C2orf49: variants seen among roughly 807,000 people sequenced by gnomAD.
C2orf49 encodes the protein tRNA-splicing ligase complex subunit ASW.
A neutral mutation model predicts 20.6 loss-of-function variants in C2orf49; 11 were observed. The ratio of observed to expected loss-of-function variants is 0.53; its 90% CI spans 0.34 to 0.88. The LOEUF is 0.88. Ranked by LOEUF, C2orf49 falls within the 40% of genes least tolerant of loss-of-function variation. C2orf49 has a pLI of 0.02. For synonymous variants in C2orf49, 134 were observed against 108.5 expected (o/e 1.24, Z -1.46); for missense variants, 289 against 274.2 (o/e 1.05, Z -0.38).
Position 105,349,035 on chromosome 2 carries a change from T to TAA in C2orf49, c.*3665_*3666insAA, listed in dbSNP as rs1411740486. Reference sequence around the variant, plus strand: ...GTCACTACATGTTGAGGGATGGAAATAGAAGTCTCTGAACTTCCCATGTAA... The same window carrying TAA: ...GTCACTACATGTTGAGGGATGGAAATAAAGAAGTCTCTGAACTTCCCATGTAA... On this transcript the variant is annotated 3_prime_UTR_variant, in exon 4 of 4. Transcript: ENST00000258457. 1 of 152,048 alleles carries TAA rather than the reference T, an allele frequency of 6.6e-6. No individual in the cohort carries two copies. The highest frequency in any genetic ancestry group is 6.5e-5 in the Admixed American group (1 of 15,270). The allele number at this position is 152,048 out of a possible 1,614,324, so 9.4% of individuals were successfully genotyped here. A position where few individuals can be genotyped will look rare whatever the true frequency, so the allele number is the denominator to read the frequency against.
At chr2:105,338,844 C>T (rs372498580) in intron 1 of C2orf49, among the ~76,000 whole-genome samples, 2 of 152,204 alleles carry the variant, frequency 1.3e-5, no homozygotes, top group Admixed American at 6.5e-5. Flanking sequence ...TTTCCATTCT[C>T]ATTTCTCCTT....
At chr2:105,374,665 A>G in the C2orf49 span, 2 of 152,228 alleles carry the variant, frequency 1.3e-5, no homozygotes, top group Non-Finnish European at 2.9e-5. Flanking sequence ...TCGACTCCAC[A>G]CTTGGCTTCA....
At chr2:105,363,240 C>T in the C2orf49 span, 1 of 1,598,862 alleles carries the variant, frequency 6.3e-7, no homozygotes, top group Non-Finnish European at 8.6e-7. Flanking sequence ...AGGCCTTGTT[C>T]AAGCTTCCAA....
At chr2:105,367,542 G>A in the C2orf49 span, 1 of 1,583,852 alleles carries the variant, frequency 6.3e-7, no homozygotes, top group Non-Finnish European at 8.6e-7. Flanking sequence ...GCCAGAACGT[G>A]CAAGGGCCAA....
Position 105,349,187 on chromosome 2 carries a change from T to A in C2orf49, c.*3816T>A, listed in dbSNP as rs998294505. 2 of 152,256 alleles carry A rather than the reference T, an allele frequency of 1.3e-5. No individual in the cohort carries two copies. The highest frequency in any genetic ancestry group is 4.8e-5 in the African/African-American group (2 of 41,472). The allele number at this position is 152,256 out of a possible 1,614,324, so 9.4% of individuals were successfully genotyped here. On this transcript the variant is annotated 3_prime_UTR_variant, in exon 4 of 4. Transcript: ENST00000258457. Reference sequence around the variant, plus strand: ...TATTATTATATTTGGAGACTGATGCTGTAAATTAAATAACTTGGAAAAGAC... The same window carrying A: ...TATTATTATATTTGGAGACTGATGCAGTAAATTAAATAACTTGGAAAAGAC...
chr2:105,363,032 C>A, the C2orf49 span: 2 of 467,518 alleles, frequency 4.3e-6, no homozygotes, highest in Middle Eastern at 5.7e-4. Flanking sequence ...TAATCCAACC[C>A]AAAGCAGAAA....
Position 105,337,570 on chromosome 2 carries a change from G to T in C2orf49, c.-18G>T, listed in dbSNP as rs1179734412. On this transcript the variant is annotated 5_prime_UTR_variant, in exon 1 of 4. Transcript: ENST00000258457. ...CGGGGCTTTGTGGGTAGCCGACTGG[G>T]GTCTCCTGGCGACGACCATGGCGGG... is the stretch of plus-strand genomic sequence containing the variant. 2.5e-6 allele frequency: 4 copies of T among 1,613,222 alleles called. No individual in the cohort carries two copies. The African/African-American group carries it at 5.3e-5, about 22-fold the overall frequency.
chr2:105,383,478 C>T, the C2orf49 span, among the ~76,000 whole-genome samples: 100 of 152,298 alleles, frequency 6.6e-4, no homozygotes, highest in Non-Finnish European at 1.2e-3. Context: ...AGAGGATGTT[C>T]AAACTATATA....
the C2orf49 span, among the ~76,000 whole-genome samples, chr2:105,380,287 G>A: frequency 7.2e-5 from 11 of 152,102 alleles, no homozygotes; most frequent in Non-Finnish European, 1.5e-5. Context: ...GATTAGACCC[G>A]GGTGCCTGAG....
In C2orf49 at chr2:105,344,882, G is replaced by T. The variant is rs78027881; in HGVS notation, c.643-433G>T. ...CGTGAGCCACCTGCCCAGCCTATTTGCATTGACTTTGGATTGTTAAATTGT... is the reference window on the plus strand; with the variant it reads ...CGTGAGCCACCTGCCCAGCCTATTTTCATTGACTTTGGATTGTTAAATTGT... On this transcript the variant is annotated intron_variant, in intron 3 of 3. Coordinates refer to ENST00000258457, the MANE Select transcript of C2orf49 (RefSeq NM_024093.3). 6.1e-3 allele frequency among the ~76,000 whole-genome samples: 933 copies of T among 152,110 alleles called. 13 individuals carry two copies. The highest frequency in any genetic ancestry group is 0.021 in the African/African-American group (888 of 41,482).
chr2:105,338,722 A>G (rs1264168847), intron 1 of C2orf49, among the ~76,000 whole-genome samples: 1 of 152,156 alleles, frequency 6.6e-6, no homozygotes, highest in Non-Finnish European at 1.5e-5. Flanking sequence ...TACGAAAGAG[A>G]AGTAAAATGT....
At chr2:105,354,193 A>G (rs13012632), downstream of C2orf49, among the ~76,000 whole-genome samples, 24,190 of 152,278 alleles carry the variant, frequency 0.16, 2,129 homozygotes, top group Middle Eastern at 0.22. Context: ...TTGAGGGAGT[A>G]GTAACCATTG....
chr2:105,374,892 C>T, the C2orf49 span, among the ~76,000 whole-genome samples: 27 of 152,302 alleles, frequency 1.8e-4, no homozygotes, highest in African/African-American at 4.3e-4. Context: ...AGGCTCTGCA[C>T]GGTTTCCTGG....
chr2:105,385,116 A>T, the C2orf49 span, among the ~76,000 whole-genome samples: 1 of 152,198 alleles, frequency 6.6e-6, no homozygotes, highest in Admixed American at 6.5e-5. Flanking sequence ...TTTCTTTTAC[A>T]TTCAGCACAG....
downstream of C2orf49, among the ~76,000 whole-genome samples, chr2:105,354,143 T>TA (rs1460629051): frequency 6.6e-6 from 1 of 152,258 alleles, no homozygotes; most frequent in Non-Finnish European, 1.5e-5. Flanking sequence ...GGCATTTCTC[T>TA]AAAGTTTTTC....
chr2:105,378,407 A>C, the C2orf49 span: 1 of 345,892 alleles, frequency 2.9e-6, no homozygotes, highest in Non-Finnish European at 5.7e-6. Flanking sequence ...GCATTCTCTC[A>C]GGACAACCTG....
At chr2:105,381,545 T>G in the C2orf49 span, among the ~76,000 whole-genome samples, 2 of 152,170 alleles carry the variant, frequency 1.3e-5, no homozygotes, top group Non-Finnish European at 2.9e-5. Context: ...TCTGCTGCTA[T>G]GTCTTGTGGC....
At chr2:105,358,682 T>TTG in the C2orf49 span, 5 of 152,346 alleles carry the variant, frequency 3.3e-5, no homozygotes, top group African/African-American at 1.2e-4. Context: ...AGACTTTGTG[T>TTG]TGTGTGGTTT....
the C2orf49 span, chr2:105,378,783 C>T: frequency 6.6e-6 from 1 of 152,476 alleles, no homozygotes; most frequent in African/African-American, 2.4e-5. Flanking sequence ...TAAATATTAA[C>T]CTATGCTCAC....
Sources: gnomAD v4.1 joint callset for allele counts (sites outside exome capture counted in the v4.1 genomes callset) on GRCh38, gnomAD v4.1.1 for gene constraint, MANE v1.5 for transcripts, NCBI Gene and HGNC (gene_info 2026-07-23, HGNC 2026-07-21) for gene names.